The following CYP20A1 variants were observed in gnomAD, a reference collection of about 807,000 sequenced individuals.
CYP20A1 encodes the protein cytochrome P450 20A1.
Under a neutral mutation model 61.4 loss-of-function variants are expected in CYP20A1, and 61 were observed. The observed-to-expected ratio is 0.99, with a 90% CI of 0.81 to 1.23. The LOEUF (loss-of-function observed/expected upper bound fraction) is 1.23, where lower values mean the gene tolerates loss of function less well. Ranked by LOEUF, CYP20A1 falls within the 50% of genes most tolerant of loss-of-function variation. CYP20A1 has a pLI of 0.00. For synonymous variants in CYP20A1, 193 were observed against 188.2 expected (o/e 1.03, Z -0.21); for missense variants, 530 against 542.4 (o/e 0.98, Z 0.23).
chr2:203,266,226 G>A (rs2067317646), intron 4 of CYP20A1, among the ~76,000 whole-genome samples: 2 of 151,832 alleles, frequency 1.3e-5, no homozygotes, highest in African/African-American at 4.8e-5. Flanking sequence ...ATTTCCGTTG[G>A]GTTTAAGTTT....
chr2:203,271,015 T>G (rs2067545069), intron 5 of CYP20A1, among the ~76,000 whole-genome samples: 1 of 139,950 alleles, frequency 7.1e-6, no homozygotes, highest in South Asian at 2.3e-4. Context: ...TTACAGTAGT[T>G]TTAATAGTTT....
At chr2:203,255,843 C>G (rs917457845) in intron 4 of CYP20A1, among the ~76,000 whole-genome samples, 4 of 152,196 alleles carry the variant, frequency 2.6e-5, no homozygotes, top group Non-Finnish European at 5.9e-5. Context: ...TGGAATGCAC[C>G]TCCAGTCATC....
intron 3 of CYP20A1, 150 bp from the exon 4 acceptor site, chr2:203,251,817 A>ATATATGTGTAT (rs34111991): frequency 8.4e-5 from 8 of 95,310 alleles, no homozygotes; most frequent in East Asian, 2.6e-4. Context: ...ATATATATAT[A>ATATATGTGTAT]AAAAATAAAA....
At chr2:203,278,923 C>T (rs1025648588) in intron 7 of CYP20A1, among the ~76,000 whole-genome samples, 1 of 152,118 alleles carries the variant, frequency 6.6e-6, no homozygotes, top group Non-Finnish European at 1.5e-5. Context: ...TCCTAGAGTT[C>T]AGTGGCTTAA....
chr2:203,249,242 C>T (rs1014433132), intron 3 of CYP20A1, among the ~76,000 whole-genome samples: 16 of 152,054 alleles, frequency 1.1e-4, no homozygotes, highest in African/African-American at 3.9e-4. Flanking sequence ...TGAATGGATG[C>T]GGTAGCACAT....
At chr2:203,293,709 A>G (rs1488103536) in intron 11 of CYP20A1, among the ~76,000 whole-genome samples, 3 of 151,650 alleles carry the variant, frequency 2.0e-5, no homozygotes, top group Non-Finnish European at 4.4e-5. Flanking sequence ...TCATCGCCCC[A>G]CCGTTTCCCC....
At chr2:203,243,425 C>G (rs1351893449) in intron 1 of CYP20A1, among the ~76,000 whole-genome samples, 1 of 151,912 alleles carries the variant, frequency 6.6e-6, no homozygotes, top group African/African-American at 2.4e-5. Flanking sequence ...GAGTCTCGCT[C>G]TGTCTCCCAG....
At chr2:203,246,411 GA>G (rs1292333497) in intron 2 of CYP20A1, among the ~76,000 whole-genome samples, 16 of 152,208 alleles carry the variant, frequency 1.1e-4, no homozygotes, top group African/African-American at 3.9e-4. Context: ...TGCCATAGCT[GA>G]TCTGATGATT....
intron 4 of CYP20A1, among the ~76,000 whole-genome samples, chr2:203,261,105 A>G (rs1039584370): frequency 3.3e-5 from 5 of 152,086 alleles, no homozygotes. Flanking sequence ...ATGGTGGCTC[A>G]CATCTGTAAT....
Position 203,266,574 on chromosome 2 carries a change from A to T in CYP20A1, c.493A>T (p.Ser165Cys). ...SYPETQHVPL[S>C]QHMLGFAMKS... is the part of the protein sequence containing the mutation. Reference sequence around the variant, plus strand: ...CCCAGAGACCCAGCACGTGCCCCTCAGCCAGCATATGCTTGGTTTTGCTAT... The same window carrying T: ...CCCAGAGACCCAGCACGTGCCCCTCTGCCAGCATATGCTTGGTTTTGCTAT... The change falls in exon 5 of 13, where the codon AGC becomes TGC. Residue 165 changes from serine (S) to cysteine (C), a missense_variant. By Grantham distance (112) the Ser-to-Cys change is moderately radical (BLOSUM62 -1). Coordinates refer to ENST00000356079, the MANE Select transcript of CYP20A1 (RefSeq NM_177538.3). 1.2e-5 allele frequency: 19 copies of T among 1,614,048 alleles called. No homozygotes were observed. The highest frequency in any genetic ancestry group is 1.5e-5 in the Non-Finnish European group (18 of 1,179,920).
At chr2:203,251,598 CGTCTCTACTAGAA>C (rs2066671800) in intron 3 of CYP20A1, among the ~76,000 whole-genome samples, 2 of 150,214 alleles carry the variant, frequency 1.3e-5, no homozygotes, top group African/African-American at 4.9e-5. Context: ...GTTGAAACCC[CGTCTCTACTAGAA>C]GTACAAAATT....
chr2:203,254,967 G>T (rs1575184111), intron 4 of CYP20A1, among the ~76,000 whole-genome samples: 2 of 151,924 alleles, frequency 1.3e-5, no homozygotes. Flanking sequence ...CTCCAGCCTG[G>T]GTAACAGAGT....
chr2:203,281,240 C>T (rs1335557952), intron 8 of CYP20A1, among the ~76,000 whole-genome samples: 1 of 152,122 alleles, frequency 6.6e-6, no homozygotes, highest in Non-Finnish European at 1.5e-5. Context: ...GGCAAGGTGG[C>T]TCACAGCTAT....
chr2:203,268,407 A>G (rs2067421298), intron 5 of CYP20A1, among the ~76,000 whole-genome samples: 1 of 152,130 alleles, frequency 6.6e-6, no homozygotes, highest in Non-Finnish European at 1.5e-5. Context: ...CTAGACCTTT[A>G]CATTTTTGGA....
At chr2:203,292,164 T>A in intron 10 of CYP20A1, 98 bp from the exon 11 acceptor site, 2 of 669,292 alleles carry the variant, frequency 3.0e-6, no homozygotes, top group Non-Finnish European at 5.1e-6. Context: ...TATTTTGTAT[T>A]CAATATCTAT....
chr2:203,258,388 TAAAAAA>T (rs56367282), intron 4 of CYP20A1, among the ~76,000 whole-genome samples: 1 of 138,120 alleles, frequency 7.2e-6, no homozygotes, highest in Non-Finnish European at 1.5e-5. Flanking sequence ...ACCCTATGTT[TAAAAAA>T]AAAAAAAAAA....
Position 203,239,067 on chromosome 2 carries a change from T to G in CYP20A1, c.5T>G (p.Leu2Trp), listed in dbSNP as rs1224726451. Reference protein sequence around the residue: MLDFAIFAVTFL... With the variant: MWDFAIFAVTFL... The stretch of plus-strand genomic sequence containing the variant: ...GGCTCCCTGGGCGGCAGAACCATGT[T>G]GGACTTCGCGATCTTCGCCGTTACC... Residue 2 changes from leucine (L) to tryptophan (W), a missense_variant, in exon 1 of 13, where the codon TTG (leucine) becomes TGG (tryptophan). Leu to Trp is a moderately conservative substitution (Grantham distance 61). Transcript: ENST00000356079. 2.5e-6 allele frequency: 4 copies of G among 1,613,662 alleles called. No individual in the cohort carries two copies. The highest frequency in any genetic ancestry group is 2.2e-5 in the South Asian group (2 of 91,072).
At position 203,289,762 on chromosome 2, in the gene CYP20A1, CAG is replaced by C. The variant is rs775757883; in HGVS notation, c.972-1_972del. On this transcript the variant is annotated splice_acceptor_variant, in intron 9 of 12. Transcript: ENST00000356079. LOFTEE classifies it high-confidence loss of function. ...ATCTTCAAAAAAAATTTTTTTAAAA[CAG>C]ATATTGTCAGCATGTGCTTTGTGAA... 42 of 1,530,094 alleles carry C rather than the reference CAG, an allele frequency of 2.7e-5. No individual in the cohort carries two copies. In the African/African-American group the frequency reaches 5.1e-4, roughly 19 times the overall value. The allele number at this position is 1,530,094 out of a possible 1,614,324, so 94.8% of individuals were successfully genotyped here. A position where few individuals can be genotyped will look rare whatever the true frequency, so the allele number is the denominator to read the frequency against.
intron 2 of CYP20A1, 57 bp downstream of exon 2, chr2:203,245,952 G>C: frequency 8.6e-7 from 1 of 1,162,528 alleles, no homozygotes; most frequent in Non-Finnish European, 1.3e-6. Context: ...TTGATATCAA[G>C]ACTAAACCAT....
Sources: allele counts gnomAD v4.1 joint callset (sites outside exome capture counted in the v4.1 genomes callset), GRCh38; gene constraint gnomAD v4.1.1; transcripts MANE v1.5; gene names NCBI Gene and HGNC (gene_info 2026-07-23, HGNC 2026-07-21).